Variants in MAPK14 observed in about 807,000 individuals in gnomAD.
MAPK14 encodes the protein mitogen-activated protein kinase 14.
Under a neutral mutation model 49.6 loss-of-function variants are expected in MAPK14, and 16 were observed. The ratio of observed to expected loss-of-function variants is 0.32; its 90% CI spans 0.22 to 0.49. MAPK14 has a LOEUF of 0.49. Ranked by LOEUF, MAPK14 falls within the 20% of genes least tolerant of loss-of-function variation. The pLI, the probability that MAPK14 is intolerant of heterozygous loss-of-function variation, is 0.99. For synonymous variants in MAPK14, 142 were observed against 158.0 expected (o/e 0.90, Z 0.76); for missense variants, 200 against 441.2 (o/e 0.45, Z 4.90).
rs1034696592 is a variant in MAPK14, at chr6:36,102,779, C to T, written c.841+130C>T. On this transcript the variant is annotated intron_variant, in intron 10 of 11. Coordinates refer to ENST00000229794, the MANE Select transcript of MAPK14 (RefSeq NM_139012.3). ...GTTGAATCTTGGAAGGTGATAAATA[C>T]GGCTTTTATTATCTATTTGTGTTGT... is the stretch of plus-strand genomic sequence containing the variant. The T allele has an allele frequency of 6.7e-6, 10 of 1,498,254 alleles. No individual in the cohort carries two copies. In the Middle Eastern group the frequency reaches 5.5e-4, roughly 83 times the overall value. 92.8% of individuals were successfully genotyped at this position (1,498,254 alleles called of 1,614,324 possible).
rs1434032282 is a variant in MAPK14, at chr6:36,110,473, A to ATACT, written c.*2027_*2030dup. 2.0e-5 allele frequency: 3 copies of ATACT among 152,682 alleles called. No individual in the cohort carries two copies. Among genetic ancestry groups the ATACT allele is most frequent in the African/African-American group, 4.8e-5 (2 of 41,456 alleles). The allele number at this position is 152,682 out of a possible 1,614,324, so 9.5% of individuals were successfully genotyped here. A position where few individuals can be genotyped will look rare whatever the true frequency, so the allele number is the denominator to read the frequency against. The stretch of plus-strand genomic sequence containing the variant: ...AATGCTCGTGTGATTTCCTACAGAA[A>ATACT]TACTGCTCTGAATATTTTGTAATAA... On this transcript the variant is annotated 3_prime_UTR_variant, in exon 12 of 12. Transcript: ENST00000229794.
chr6:36,030,486 G>C (rs1196975264), intron 1 of MAPK14, among the ~76,000 whole-genome samples: 1 of 152,042 alleles, frequency 6.6e-6, no homozygotes, highest in Non-Finnish European at 1.5e-5. Flanking sequence ...AGGAGATCGA[G>C]ACCATCCTGG....
intron 3 of MAPK14, among the ~76,000 whole-genome samples, chr6:36,068,254 G>A (rs1189707450): frequency 6.6e-6 from 1 of 152,212 alleles, no homozygotes; most frequent in Non-Finnish European, 1.5e-5. Flanking sequence ...AAGGAGGCCA[G>A]TGTGGAGCTG....
intron 1 of MAPK14, among the ~76,000 whole-genome samples, chr6:36,045,649 A>G (rs572766203): frequency 9.7e-4 from 148 of 152,146 alleles, no homozygotes; most frequent in Middle Eastern, 3.4e-3. Context: ...TCTACTAAAA[A>G]TACAAAAAAA....
chr6:36,095,613 A>G lies in MAPK14; in HGVS notation c.683-374A>G, dbSNP rs554515037. 4.6e-5 allele frequency among the ~76,000 whole-genome samples: 7 copies of G among 152,286 alleles called. No individual in the cohort carries two copies. The South Asian group carries it at 1.2e-3, about 27-fold the overall frequency. The stretch of plus-strand genomic sequence containing the variant: ...GCACTTTGCTGAACTGGTTACTGAC[A>G]CTGTGATGGCAGATGAAGAGGGCAG... On this transcript the variant is annotated intron_variant, in intron 8 of 11. Coordinates refer to ENST00000229794, the MANE Select transcript of MAPK14 (RefSeq NM_139012.3).
At chr6:36,061,118 A>G (rs530081672) in intron 3 of MAPK14, among the ~76,000 whole-genome samples, 1 of 152,320 alleles carries the variant, frequency 6.6e-6, no homozygotes, top group African/African-American at 2.4e-5. Context: ...GTTTTCCTAA[A>G]TGTAGAAGAA....
At chr6:36,103,261 A>G (rs1345727301) in intron 10 of MAPK14, among the ~76,000 whole-genome samples, 2 of 152,184 alleles carry the variant, frequency 1.3e-5, no homozygotes, top group African/African-American at 4.8e-5. Flanking sequence ...GGCAGAGGGA[A>G]GTGATGGTGG....
At chr6:36,083,263 C>T (rs1764837241) in intron 8 of MAPK14, among the ~76,000 whole-genome samples, 1 of 152,186 alleles carries the variant, frequency 6.6e-6, no homozygotes, top group African/African-American at 2.4e-5. Context: ...GCTCCCACCC[C>T]AAGCCAAGGG....
At chr6:36,058,915 C>T (rs1309954896) in intron 2 of MAPK14, among the ~76,000 whole-genome samples, 1 of 145,858 alleles carries the variant, frequency 6.9e-6, no homozygotes, top group African/African-American at 2.5e-5. Flanking sequence ...GAGTCTCACT[C>T]TGCACCTGCA....
At chr6:36,084,146 G>A (rs1388617507) in intron 8 of MAPK14, among the ~76,000 whole-genome samples, 3 of 152,142 alleles carry the variant, frequency 2.0e-5, no homozygotes, top group East Asian at 1.9e-4. Flanking sequence ...CAAATGGAAA[G>A]CAACAACAAC....
intron 3 of MAPK14, among the ~76,000 whole-genome samples, chr6:36,064,270 G>GCCCCCCCCCCC (rs3045917): frequency 8.0e-6 from 1 of 124,756 alleles, no homozygotes; most frequent in Non-Finnish European, 1.7e-5. Context: ...GAGCCACCAT[G>GCCCCCCCCCCC]CCCCCCCCCA....
At chr6:36,068,001 A>T (rs1285524514) in intron 3 of MAPK14, among the ~76,000 whole-genome samples, 1 of 152,224 alleles carries the variant, frequency 6.6e-6, no homozygotes, top group Non-Finnish European at 1.5e-5. Context: ...GTTAGCAGAC[A>T]ATAATGCTAT....
At chr6:36,063,513 C>T (rs1763913454) in intron 3 of MAPK14, among the ~76,000 whole-genome samples, 1 of 152,112 alleles carries the variant, frequency 6.6e-6, no homozygotes, top group South Asian at 2.1e-4. Flanking sequence ...TCATTTGAGC[C>T]CAGGGGCAGC....
intron 7 of MAPK14, 108 bp from the exon 8 acceptor site, chr6:36,076,429 G>A (rs1012415407): frequency 2.6e-5 from 20 of 775,342 alleles, no homozygotes; most frequent in Non-Finnish European, 4.0e-5. Context: ...AGCCTCAGAT[G>A]TCTTAAATAG....
chr6:36,120,736 G>A, the MAPK14 span, among the ~76,000 whole-genome samples: 2 of 152,302 alleles, frequency 1.3e-5, no homozygotes, highest in African/African-American at 4.8e-5. Context: ...ACCTGCCGAC[G>A]ACAGTGTTGT....
At position 36,047,003 on chromosome 6, in the gene MAPK14, A is replaced by G. The variant is rs1381354669; in HGVS notation, c.117-5696A>G. Among the ~76,000 whole-genome samples, 2 of 152,216 alleles carry G rather than the reference A, an allele frequency of 1.3e-5. 1 individual carries two copies. Among genetic ancestry groups the G allele is most frequent in the Admixed American group, 1.3e-4 (2 of 15,282 alleles). ...TGGGAAGTTGAAGAAGCTGGGTCCC[A>G]CAGGGGCAATGGCCATTTTTCCAGT... On this transcript the variant is annotated intron_variant, in intron 1 of 11. Coordinates refer to ENST00000229794, the MANE Select transcript of MAPK14 (RefSeq NM_139012.3).
At chr6:36,065,042 C>T (rs531311438) in intron 3 of MAPK14, among the ~76,000 whole-genome samples, 3 of 152,342 alleles carry the variant, frequency 2.0e-5, no homozygotes, top group African/African-American at 7.2e-5. Flanking sequence ...TTTTTCCCCA[C>T]ATACCTACAT....
chr6:36,056,659 T>G (rs185138292), intron 2 of MAPK14, among the ~76,000 whole-genome samples: 1 of 152,348 alleles, frequency 6.6e-6, no homozygotes, highest in East Asian at 1.9e-4. Context: ...CTCTTGCATG[T>G]GTAAATCAGA....
At chr6:36,098,738 A>G (rs1251705241) in intron 9 of MAPK14, among the ~76,000 whole-genome samples, 5 of 152,098 alleles carry the variant, frequency 3.3e-5, no homozygotes, top group African/African-American at 7.2e-5. Flanking sequence ...GGATTTTTAC[A>G]TTTTAAGACC....
Sources: gnomAD v4.1 joint callset for allele counts (sites outside exome capture counted in the v4.1 genomes callset) on GRCh38, gnomAD v4.1.1 for gene constraint, MANE v1.5 for transcripts, NCBI Gene and HGNC (gene_info 2026-07-23, HGNC 2026-07-21) for gene names.